The following UBE2N variants were observed in gnomAD, a reference collection of about 807,000 sequenced individuals.
UBE2N encodes ubiquitin-conjugating enzyme E2 N.
For synonymous variants in UBE2N, 70 were observed against 69.2 expected (o/e 1.01, Z -0.06); for missense variants, 60 against 192.1 (o/e 0.31, Z 4.07).
intron 1 of UBE2N, among the ~76,000 whole-genome samples, chr12:93,430,542 T>C (rs1443211262): frequency 6.6e-6 from 1 of 151,854 alleles, no homozygotes; most frequent in East Asian, 1.9e-4. Context: ...TAAAGTGAAC[T>C]ATGTTACTAA....
chr12:93,439,315 C>A (rs943481661), intron 1 of UBE2N, among the ~76,000 whole-genome samples: 1 of 152,042 alleles, frequency 6.6e-6, no homozygotes, highest in Non-Finnish European at 1.5e-5. Context: ...GGCGAAACCC[C>A]GTCCCTACAA....
intron 1 of UBE2N, among the ~76,000 whole-genome samples, chr12:93,416,240 A>G (rs555069438): frequency 1.4e-4 from 21 of 152,338 alleles, no homozygotes; most frequent in African/African-American, 4.8e-4. Flanking sequence ...AGCATCTGAA[A>G]AAGTCTCAAC....
intron 1 of UBE2N, among the ~76,000 whole-genome samples, chr12:93,423,587 G>A (rs1471319568): frequency 6.6e-6 from 1 of 152,170 alleles, no homozygotes; most frequent in Admixed American, 6.5e-5. Flanking sequence ...AGGGGGAAGA[G>A]GCTCAAGAGT....
In UBE2N at chr12:93,411,246, A is replaced by G; in HGVS notation, c.84T>C (p.Asp28=). Residue 28 remains aspartate, a synonymous_variant, in exon 2 of 4, where the codon GAT becomes GAC. Coordinates refer to ENST00000318066, the MANE Select transcript of UBE2N (RefSeq NM_003348.4). The part of the protein sequence containing the change: ...EPVPGIKAEP[D]ESNARYFHVV... Reference sequence around the variant, plus strand: ...CATGAAAATAACGGGCGTTGCTCTCATCTGGTTCGGCTTTGATGCCAGGAA... The same window carrying G: ...CATGAAAATAACGGGCGTTGCTCTCGTCTGGTTCGGCTTTGATGCCAGGAA... The G allele has an allele frequency of 6.2e-7, 1 of 1,613,954 alleles. No homozygotes were observed.
At chr12:93,423,562 G>A (rs1878483259) in intron 1 of UBE2N, among the ~76,000 whole-genome samples, 1 of 152,180 alleles carries the variant, frequency 6.6e-6, no homozygotes, top group African/African-American at 2.4e-5. Flanking sequence ...GCAGCCTGGT[G>A]TACCTAGCGT....
At chr12:93,420,520 C>T (rs534830674) in intron 1 of UBE2N, among the ~76,000 whole-genome samples, 8 of 152,278 alleles carry the variant, frequency 5.3e-5, no homozygotes, top group East Asian at 3.9e-4. Flanking sequence ...ACTGTAACTA[C>T]GCACAATAAC....
chr12:93,410,045 A>G lies in UBE2N; in HGVS notation c.453T>C (p.Asn151=), dbSNP rs1390610404. 2 of 1,613,270 alleles carry G rather than the reference A, an allele frequency of 1.2e-6. No homozygotes were observed. Among genetic ancestry groups the G allele is most frequent in the African/African-American group, 1.3e-5 (1 of 74,904 alleles). ...RAWTRLYAMN[N]I is the part of the protein sequence containing the mutation. ...ACTTGATGATCGTATCAATTTAAAT[A>G]TTATTCATGGCATATAGCCTAGTCC... The change falls in exon 4 of 4, where the codon AAT becomes AAC. Residue 151 remains asparagine, a synonymous_variant. Coordinates refer to ENST00000318066, the MANE Select transcript of UBE2N (RefSeq NM_003348.4).
intron 1 of UBE2N, among the ~76,000 whole-genome samples, chr12:93,421,451 C>A (rs558962506): frequency 6.6e-6 from 1 of 152,258 alleles, no homozygotes; most frequent in South Asian, 2.1e-4. Context: ...ATCTGCCGGG[C>A]CCGGCCCATG....
intron 1 of UBE2N, among the ~76,000 whole-genome samples, chr12:93,412,678 G>A (rs576130893): frequency 6.6e-6 from 1 of 152,158 alleles, no homozygotes. Flanking sequence ...CTCACATTCT[G>A]TATTTGTCCT....
intron 1 of UBE2N, among the ~76,000 whole-genome samples, chr12:93,421,770 A>G (rs893355815): frequency 9.2e-5 from 14 of 152,352 alleles, no homozygotes; most frequent in African/African-American, 3.4e-4. Context: ...CATTTTGCCT[A>G]TCTTTGATAG....
rs773664444 is a variant in UBE2N, at chr12:93,410,022, TTGA to T, written c.*14_*16del. The T allele has an allele frequency of 6.2e-7, 1 of 1,612,356 alleles. No individual in the cohort carries two copies. The highest frequency in any genetic ancestry group is 8.5e-7 in the Non-Finnish European group (1 of 1,179,208). On this transcript the variant is annotated 3_prime_UTR_variant, in exon 4 of 4. Transcript: ENST00000318066. Reference sequence around the variant, plus strand: ...GCAGAACAGGAGAAGTGATGCACACTTGATGATCGTATCAATTTAAATATTATT... The same window carrying T: ...GCAGAACAGGAGAAGTGATGCACACTTGATCGTATCAATTTAAATATTATT...
chr12:93,427,193 T>C (rs1878622079), intron 1 of UBE2N, among the ~76,000 whole-genome samples: 1 of 152,218 alleles, frequency 6.6e-6, no homozygotes, highest in Admixed American at 6.5e-5. Context: ...GGGCTGGGAT[T>C]ACAGGCGTGA....
intron 1 of UBE2N, among the ~76,000 whole-genome samples, chr12:93,415,402 T>TATTTTAA (rs1394733505): frequency 2.0e-5 from 3 of 152,242 alleles, no homozygotes; most frequent in African/African-American, 7.2e-5. Flanking sequence ...ATGTCTCTGG[T>TATTTTAA]ATTTTAAGAC....
At chr12:93,439,921 T>C (rs957136640) in intron 1 of UBE2N, among the ~76,000 whole-genome samples, 1 of 152,188 alleles carries the variant, frequency 6.6e-6, no homozygotes, top group African/African-American at 2.4e-5. Context: ...AAAATGTAAA[T>C]GCCCAGTGTA....
chr12:93,413,033 T>C (rs1372270820), intron 1 of UBE2N, among the ~76,000 whole-genome samples: 1 of 152,324 alleles, frequency 6.6e-6, no homozygotes, highest in African/African-American at 2.4e-5. Context: ...AACCTCTACT[T>C]TGCTTGTCTC....
intron 1 of UBE2N, among the ~76,000 whole-genome samples, chr12:93,426,870 AT>A (rs796688644): frequency 1.6e-3 from 236 of 144,906 alleles, no homozygotes; most frequent in Admixed American, 1.9e-3. Context: ...GCATCAGCAG[AT>A]TTTTTTTTTT....
At chr12:93,425,163 A>G (rs1249497218) in intron 1 of UBE2N, among the ~76,000 whole-genome samples, 1 of 152,218 alleles carries the variant, frequency 6.6e-6, no homozygotes, top group East Asian at 1.9e-4. Flanking sequence ...GCAGATAAAG[A>G]AGCAGAGAGG....
chr12:93,411,635 C>T (rs371786213), intron 1 of UBE2N, among the ~76,000 whole-genome samples: 5 of 151,448 alleles, frequency 3.3e-5, no homozygotes, highest in African/African-American at 1.2e-4. Flanking sequence ...TTGCTCTAAA[C>T]TCAACCAAAA....
intron 1 of UBE2N, among the ~76,000 whole-genome samples, chr12:93,412,971 G>A (rs61934302): frequency 0.1 from 15,578 of 152,236 alleles, 931 homozygotes; most frequent in Middle Eastern, 0.17. Flanking sequence ...TTGCTTCTAA[G>A]AGAAGTTACT....
Sources: allele counts gnomAD v4.1 joint callset (sites outside exome capture counted in the v4.1 genomes callset), GRCh38; gene constraint gnomAD v4.1.1; transcripts MANE v1.5; gene names NCBI Gene and HGNC (gene_info 2026-07-23, HGNC 2026-07-21).